The following SFMBT1 variants were observed in gnomAD, a reference collection of about 807,000 sequenced individuals.
SFMBT1 encodes Scm like with four mbt domains 1, also known as scm-like with four MBT domains protein 1.
SFMBT1 carries 32 observed loss-of-function variants against 108.7 expected under a neutral mutation model. That is an observed-to-expected ratio of 0.29 (90% CI 0.22 to 0.40). SFMBT1 has a LOEUF of 0.40. Among genes scored for constraint, SFMBT1 ranks in the 10% least tolerant of loss-of-function variants. The pLI, the probability that SFMBT1 is intolerant of heterozygous loss-of-function variation, is 1.00. For synonymous variants in SFMBT1, 348 were observed against 369.5 expected, an observed-to-expected ratio of 0.94 and a Z score of 0.67; for missense variants, 816 against 1,059.6, an observed-to-expected ratio of 0.77 and a Z score of 3.19.
At chr3:52,953,633 C>G (rs1703669132) in intron 3 of SFMBT1, among the ~76,000 whole-genome samples, 1 of 152,140 alleles carries the variant, frequency 6.6e-6, no homozygotes, top group Non-Finnish European at 1.5e-5. Context: ...TACTTATGTT[C>G]TGCTCAGTAA....
intron 1 of SFMBT1, among the ~76,000 whole-genome samples, chr3:53,012,211 T>G (rs1050794767): frequency 6.6e-6 from 1 of 152,166 alleles, no homozygotes; most frequent in African/African-American, 2.4e-5. Flanking sequence ...ACTACAAAGG[T>G]TACTGGCACC....
chr3:53,025,280 T>C (rs1219557094), intron 1 of SFMBT1, among the ~76,000 whole-genome samples: 2 of 152,174 alleles, frequency 1.3e-5, no homozygotes, highest in Non-Finnish European at 2.9e-5. Flanking sequence ...AAAGCCCAGA[T>C]ATATAAATGA....
chr3:52,968,216 T>C (rs777461998), intron 2 of SFMBT1, among the ~76,000 whole-genome samples: 1 of 152,230 alleles, frequency 6.6e-6, no homozygotes, highest in Non-Finnish European at 1.5e-5. Flanking sequence ...TTATGTAACA[T>C]TCTTTAAATG....
chr3:53,024,909 GGCTTTGGCCAT>G (rs1699436571), intron 1 of SFMBT1, among the ~76,000 whole-genome samples: 1 of 152,044 alleles, frequency 6.6e-6, no homozygotes, highest in Non-Finnish European at 1.5e-5. Flanking sequence ...AGAATATAAA[GGCTTTGGCCAT>G]TATATATAAG....
At chr3:53,043,870 C>T (rs1478116003) in intron 1 of SFMBT1, among the ~76,000 whole-genome samples, 1 of 152,194 alleles carries the variant, frequency 6.6e-6, no homozygotes, top group Admixed American at 6.5e-5. Flanking sequence ...AGTATTGCCC[C>T]TTTAACCCTC....
intron 1 of SFMBT1, among the ~76,000 whole-genome samples, chr3:52,980,949 G>A (rs1484945563): frequency 6.6e-6 from 1 of 152,198 alleles, no homozygotes; most frequent in Non-Finnish European, 1.5e-5. Context: ...GATCACCTGA[G>A]GTGGGGAGTT....
At chr3:53,012,575 T>C (rs1258723018) in intron 1 of SFMBT1, among the ~76,000 whole-genome samples, 1 of 151,346 alleles carries the variant, frequency 6.6e-6, no homozygotes, top group South Asian at 2.1e-4. Flanking sequence ...GCTAATTTTT[T>C]GTATTTTTAG....
At chr3:52,949,851 T>C (rs1347778993) in intron 3 of SFMBT1, among the ~76,000 whole-genome samples, 2 of 152,198 alleles carry the variant, frequency 1.3e-5, no homozygotes, top group Non-Finnish European at 2.9e-5. Flanking sequence ...AGTGCTGGGA[T>C]TACAGGCGTA....
At chr3:52,907,991 G>A (rs903229599) in intron 17 of SFMBT1, among the ~76,000 whole-genome samples, 10 of 151,754 alleles carry the variant, frequency 6.6e-5, no homozygotes, top group African/African-American at 2.4e-4. Flanking sequence ...CTTACTAGAA[G>A]CAGCCACTAT....
chr3:53,003,847 T>G (rs1698644710), intron 1 of SFMBT1, among the ~76,000 whole-genome samples: 1 of 149,770 alleles, frequency 6.7e-6, no homozygotes, highest in Non-Finnish European at 1.5e-5. Flanking sequence ...TACATGACAT[T>G]ACATCCAAAA....
intron 1 of SFMBT1, among the ~76,000 whole-genome samples, chr3:52,996,260 G>A (rs1222135322): frequency 3.4e-5 from 4 of 119,134 alleles, no homozygotes; most frequent in African/African-American, 1.3e-4. Context: ...TCACTGGGCT[G>A]CAGTGCAGTA....
intron 1 of SFMBT1, among the ~76,000 whole-genome samples, chr3:53,031,016 G>C (rs935957840): frequency 5.9e-5 from 9 of 152,134 alleles, no homozygotes; most frequent in Admixed American, 5.9e-4. Flanking sequence ...AGCATGATGC[G>C]GGGCAGGGGC....
chr3:52,912,530 C>A lies in SFMBT1; in HGVS notation c.1730+8G>T. On this transcript the variant is annotated splice_region_variant and intron_variant, in intron 16 of 20. Coordinates refer to ENST00000394752, the MANE Select transcript of SFMBT1 (RefSeq NM_016329.4). ...AAAGTAAAGAGTAAAAACAAGTAGTCCACTCACTTGGCTTTTAGGACTTCC... is the reference window on the plus strand; with the variant it reads ...AAAGTAAAGAGTAAAAACAAGTAGTACACTCACTTGGCTTTTAGGACTTCC... The A allele has an allele frequency of 6.2e-7, 1 of 1,608,532 alleles. No individual in the cohort carries two copies. The highest frequency in any genetic ancestry group is 8.5e-7 in the Non-Finnish European group (1 of 1,174,860).
intron 1 of SFMBT1, among the ~76,000 whole-genome samples, chr3:53,042,001 C>A (rs528145091): frequency 3.5e-4 from 53 of 152,018 alleles, no homozygotes; most frequent in African/African-American, 1.3e-3. Context: ...TTATGTTATT[C>A]CAAAATATTG....
intron 1 of SFMBT1, among the ~76,000 whole-genome samples, chr3:53,043,429 GGTT>G (rs1285987669): frequency 1.3e-5 from 2 of 152,112 alleles, no homozygotes; most frequent in Non-Finnish European, 2.9e-5. Context: ...TCATTGAAAA[GGTT>G]GTTAAAGCTT....
Position 52,921,686 on chromosome 3 carries a change from C to T in SFMBT1, c.1258+19G>A, listed in dbSNP as rs1702523400. ...AAGGAGAGTGGCCACAGGAAGGCTT[C>T]TAGAGTGCTGGCACTCACCCTCCAG... On this transcript the variant is annotated intron_variant, in intron 11 of 20. Transcript: ENST00000394752. The T allele has an allele frequency of 6.2e-7, 1 of 1,613,146 alleles. No homozygotes were observed.
chr3:52,948,825 A>ATTTTTT lies in SFMBT1; in HGVS notation c.124-5238_124-5233dup, dbSNP rs71615878. On this transcript the variant is annotated intron_variant, in intron 3 of 20. Coordinates refer to ENST00000394752, the MANE Select transcript of SFMBT1 (RefSeq NM_016329.4). ...CTCCACCATGCCTGGCTAATTTTTA[A>ATTTTTT]TTTTTTTTTTTTTTTTTTTTTGTAG... Among the ~76,000 whole-genome samples, 7 of 78,304 alleles carry ATTTTTT rather than the reference A, an allele frequency of 8.9e-5. 2 individuals are homozygous for ATTTTTT. Among genetic ancestry groups the ATTTTTT allele is most frequent in the Non-Finnish European group, 1.6e-4 (7 of 42,474 alleles). The allele number at this position is 78,304 out of a possible 152,430, so 51.4% of individuals were successfully genotyped here.
intron 1 of SFMBT1, among the ~76,000 whole-genome samples, chr3:52,975,022 T>G (rs1408116442): frequency 6.7e-6 from 1 of 149,756 alleles, no homozygotes; most frequent in Non-Finnish European, 1.5e-5. Flanking sequence ...AAAAAAAATC[T>G]GAGCCAAACC....
chr3:52,906,230 G>C lies in SFMBT1; in HGVS notation c.2343C>G (p.Ile781Met). ...NKPPSPKEIR[I>M]EVAERLHLDS... is the part of the protein sequence containing the mutation. ...CCAGGTGAAGCCTTTCAGCAACTTC[G>C]ATCCTTATTTCCTTCATTCCCCACA... is the stretch of plus-strand genomic sequence containing the variant. The change falls in exon 20 of 21, where the codon ATC (isoleucine) becomes ATG (methionine). Residue 781 changes from isoleucine to methionine, a missense_variant. By Grantham distance (10) the Ile-to-Met change is conservative. Coordinates refer to ENST00000394752, the MANE Select transcript of SFMBT1 (RefSeq NM_016329.4). 1.2e-6 allele frequency: 2 copies of C among 1,614,026 alleles called. No homozygotes were observed. The highest frequency in any genetic ancestry group is 1.7e-6 in the Non-Finnish European group (2 of 1,179,952).
Sources: gnomAD v4.1 joint callset for allele counts (sites outside exome capture counted in the v4.1 genomes callset) on GRCh38, gnomAD v4.1.1 for gene constraint, MANE v1.5 for transcripts, NCBI Gene and HGNC (gene_info 2026-07-23, HGNC 2026-07-21) for gene names.